CRTAC1: variants seen among roughly 807,000 people sequenced by gnomAD.
CRTAC1 encodes the protein cartilage acidic protein 1, also known as acidic secreted protein in cartilage.
Under a neutral mutation model 67.8 loss-of-function variants are expected in CRTAC1, and 37 were observed. That is an observed-to-expected ratio of 0.55 (90% CI 0.42 to 0.72). The LOEUF is 0.72. CRTAC1 is among the 30% of genes least tolerant of loss of function. The pLI, the probability that CRTAC1 is intolerant of heterozygous loss-of-function variation, is 0.00. For missense variants in CRTAC1, 780 were observed against 931.6 expected (o/e 0.84, Z 2.12); for synonymous variants, 348 against 371.0 (o/e 0.94, Z 0.71).
At chr10:97,904,546 A>C in intron 7 of CRTAC1, 123 bp downstream of exon 7, 1 of 843,378 alleles carries the variant, frequency 1.2e-6, no homozygotes, top group Non-Finnish European at 1.7e-6. Flanking sequence ...CAGCTACCGG[A>C]GTAGCTGGGA....
At chr10:97,960,509 G>T (rs1328314896) in intron 2 of CRTAC1, among the ~76,000 whole-genome samples, 1 of 152,124 alleles carries the variant, frequency 6.6e-6, no homozygotes, top group Admixed American at 6.5e-5. Flanking sequence ...TAAATTAACT[G>T]CTTACATAAT....
intron 2 of CRTAC1, among the ~76,000 whole-genome samples, chr10:97,989,663 C>G (rs73334632): frequency 0.022 from 3,355 of 152,304 alleles, 114 homozygotes; most frequent in African/African-American, 0.076. Context: ...CCTATTAGTT[C>G]TTTTCTCTTA....
intron 2 of CRTAC1, among the ~76,000 whole-genome samples, chr10:97,951,851 G>C (rs1590233556): frequency 1.3e-5 from 2 of 152,204 alleles, no homozygotes; most frequent in South Asian, 2.1e-4. Flanking sequence ...GTGGGGACTG[G>C]TGGTGCCAGC....
intron 3 of CRTAC1, among the ~76,000 whole-genome samples, chr10:97,928,639 A>T (rs1466972870): frequency 6.6e-6 from 1 of 152,174 alleles, no homozygotes; most frequent in Non-Finnish European, 1.5e-5. Flanking sequence ...TGTCTGGGAG[A>T]TGCCTTGAAA....
intron 2 of CRTAC1, among the ~76,000 whole-genome samples, chr10:97,965,942 A>G (rs1238370598): frequency 4.6e-5 from 7 of 152,176 alleles, no homozygotes; most frequent in African/African-American, 1.2e-4. Flanking sequence ...GAGATGACAG[A>G]TGGGGCAGGG....
At position 97,975,917 on chromosome 10, in the gene CRTAC1, G is replaced by T. The variant is rs1171990315; in HGVS notation, c.224+35221C>A. 6.6e-6 allele frequency among the ~76,000 whole-genome samples: 1 copy of T among 152,192 alleles called. No individual in the cohort carries two copies. Among genetic ancestry groups the T allele is most frequent in the Non-Finnish European group, 1.5e-5 (1 of 68,020 alleles). On this transcript the variant is annotated intron_variant, in intron 2 of 14. Coordinates refer to ENST00000370597, the MANE Select transcript of CRTAC1 (RefSeq NM_018058.7). The surrounding 1 kb of genome is among the most constrained non-coding windows in gnomAD (Gnocchi z 4.8). ...GGAAGAAAGAGGAACCATCTACCTGGTGTGTGGCCCGTTCCCCGAACCACA... is the reference window on the plus strand; with the variant it reads ...GGAAGAAAGAGGAACCATCTACCTGTTGTGTGGCCCGTTCCCCGAACCACA...
At chr10:98,019,031 G>A (rs1474694854) in intron 1 of CRTAC1, among the ~76,000 whole-genome samples, 2 of 152,200 alleles carry the variant, frequency 1.3e-5, no homozygotes, top group Non-Finnish European at 2.9e-5. Flanking sequence ...AGGGTGAGGG[G>A]TGCTGCGGAG....
intron 1 of CRTAC1, among the ~76,000 whole-genome samples, chr10:98,011,863 G>A (rs1303949956): frequency 6.6e-6 from 1 of 152,178 alleles, no homozygotes; most frequent in East Asian, 1.9e-4. Context: ...GAAAGACTGG[G>A]CGAATGAAGA....
chr10:98,007,165 C>T (rs369462687), intron 2 of CRTAC1, among the ~76,000 whole-genome samples: 25 of 152,290 alleles, frequency 1.6e-4, no homozygotes, highest in African/African-American at 5.8e-4. Flanking sequence ...TTAGTCAAAT[C>T]GGTTCTTGAC....
chr10:97,865,944 G>C lies in CRTAC1; in HGVS notation c.1820-230C>G, dbSNP rs1289111531. ...GGGGCTTTTCCTTCCCGATGGGGCT[G>C]GTCTGGGCCACACAGAGACAGATCT... On this transcript the variant is annotated intron_variant, in intron 14 of 14. Transcript: ENST00000370597. 2.8e-5 allele frequency: 16 copies of C among 577,048 alleles called. No homozygotes were observed. In the Admixed American group the frequency reaches 4.9e-4, roughly 18 times the overall value. 35.7% of individuals were successfully genotyped at this position (577,048 alleles called of 1,614,324 possible). A position where few individuals can be genotyped will look rare whatever the true frequency, so the allele number is the denominator to read the frequency against.
At chr10:98,022,211 T>C (rs7098473) in intron 1 of CRTAC1, among the ~76,000 whole-genome samples, 16,072 of 151,714 alleles carry the variant, frequency 0.11, 2,711 homozygotes, top group African/African-American at 0.35. Context: ...CAAAATTAGC[T>C]GGGTGTGGTG....
chr10:97,894,764 A>ATG lies in CRTAC1; in HGVS notation c.1486+479_1486+480dup, dbSNP rs2050430824. ...TATATATATATATATATATATATATATGATAGGATTTTGTCATCCCCCTGC... is the reference window on the plus strand; with the variant it reads ...TATATATATATATATATATATATATATGTGATAGGATTTTGTCATCCCCCTGC... On this transcript the variant is annotated intron_variant, in intron 11 of 14. Transcript: ENST00000370597. Among the ~76,000 whole-genome samples the ATG allele has an allele frequency of 2.9e-5, 3 of 102,428 alleles. No homozygotes were observed. The Admixed American group carries it at 3.2e-4, about 11-fold the overall frequency. The allele number at this position is 102,428 out of a possible 152,430, so 67.2% of individuals were successfully genotyped here.
chr10:97,944,238 G>C (rs1311570103), intron 2 of CRTAC1, among the ~76,000 whole-genome samples: 1 of 152,054 alleles, frequency 6.6e-6, no homozygotes, highest in Admixed American at 6.6e-5. Context: ...GACCAGCCTG[G>C]CCAACATGGT....
At chr10:98,024,439 G>A (rs1418275512) in intron 1 of CRTAC1, among the ~76,000 whole-genome samples, 1 of 152,150 alleles carries the variant, frequency 6.6e-6, no homozygotes, top group Admixed American at 6.6e-5. Context: ...GAACTTCTGG[G>A]CCAGGAGGGT....
chr10:98,002,236 G>A (rs987622243), intron 2 of CRTAC1, among the ~76,000 whole-genome samples: 9 of 152,176 alleles, frequency 5.9e-5, no homozygotes, highest in Admixed American at 3.9e-4. Flanking sequence ...TAGCTTTGCC[G>A]TTTTCAGCAG....
intron 13 of CRTAC1, 38 bp from the exon 14 acceptor site, chr10:97,880,430 G>C (rs1366374056): frequency 1.2e-6 from 2 of 1,602,002 alleles, no homozygotes; most frequent in Non-Finnish European, 1.7e-6. Flanking sequence ...TGAAGGTGTG[G>C]GGCAGCAAGT....
At chr10:97,993,271 A>T (rs77584735) in intron 2 of CRTAC1, among the ~76,000 whole-genome samples, 2,064 of 152,310 alleles carry the variant, frequency 0.014, 59 homozygotes, top group African/African-American at 0.046. Context: ...TTTAATACTA[A>T]AAGATCAAAC....
intron 2 of CRTAC1, among the ~76,000 whole-genome samples, chr10:97,966,989 A>G (rs2051626248): frequency 1.7e-5 from 1 of 60,266 alleles, no homozygotes; most frequent in African/African-American, 4.2e-5. Context: ...TCCATTGTAA[A>G]GTCACCCCCC....
At chr10:97,880,905 T>A (rs2050204908) in intron 13 of CRTAC1, among the ~76,000 whole-genome samples, 1 of 152,104 alleles carries the variant, frequency 6.6e-6, no homozygotes, top group East Asian at 1.9e-4. Flanking sequence ...GACCCCTGAT[T>A]TCTCCGTCTT....
Sources: gnomAD v4.1 joint callset for allele counts (sites outside exome capture counted in the v4.1 genomes callset) on GRCh38, gnomAD v4.1.1 for gene constraint, Gnocchi (gnomAD v3.1) non-coding constraint, MANE v1.5 for transcripts, NCBI Gene and HGNC (gene_info 2026-07-23, HGNC 2026-07-21) for gene names.